The following LRRC7 variants were observed in gnomAD, a reference collection of about 807,000 sequenced individuals.
LRRC7 encodes the protein leucine rich repeat containing 7.
In LRRC7, 23 loss-of-function variants were observed where a neutral mutation model predicts 175.7. The observed-to-expected ratio is 0.13, with a 90% CI of 0.09 to 0.19. The LOEUF is 0.19. Ranked by LOEUF, LRRC7 falls within the 10% of genes least tolerant of loss-of-function variation. The pLI is 1.00. For synonymous variants in LRRC7, 685 were observed against 680.9 expected, an observed-to-expected ratio of 1.01 and a Z score of -0.09; for missense variants, 1,354 against 1,904.7, an observed-to-expected ratio of 0.71 and a Z score of 5.38.
chr1:69,693,251 C>T (rs554890465), intron 2 of LRRC7, among the ~76,000 whole-genome samples: 1 of 151,944 alleles, frequency 6.6e-6, no homozygotes, highest in South Asian at 2.1e-4. Context: ...TCTATATATC[C>T]CATATAATAT....
intron 1 of LRRC7, among the ~76,000 whole-genome samples, chr1:69,658,683 A>G (rs1657003616): frequency 6.6e-6 from 1 of 152,088 alleles, no homozygotes; most frequent in Non-Finnish European, 1.5e-5. Context: ...AAACATACAA[A>G]GAAACAAGAA....
At chr1:69,940,616 A>C (rs1648608543) in intron 8 of LRRC7, among the ~76,000 whole-genome samples, 1 of 152,072 alleles carries the variant, frequency 6.6e-6, no homozygotes, top group South Asian at 2.1e-4. Context: ...CTTTACAAAG[A>C]ATCTCCCCCT....
At chr1:69,727,607 G>A (rs954393617) in intron 2 of LRRC7, among the ~76,000 whole-genome samples, 2 of 152,138 alleles carry the variant, frequency 1.3e-5, no homozygotes, top group Admixed American at 1.3e-4. Context: ...ATACTTTACA[G>A]AATTGCTTTT....
At chr1:69,953,385 C>A (rs1157170510) in intron 8 of LRRC7, among the ~76,000 whole-genome samples, 1 of 152,044 alleles carries the variant, frequency 6.6e-6, no homozygotes, top group Non-Finnish European at 1.5e-5. Context: ...AAATAATCTT[C>A]CCCTCCTCTA....
chr1:69,889,864 A>AGGATCT, intron 7 of LRRC7, among the ~76,000 whole-genome samples: 1 of 152,098 alleles, frequency 6.6e-6, no homozygotes, highest in African/African-American at 2.4e-5. Context: ...GAGGAGGAGG[A>AGGATCT]AAGAAATCAC....
chr1:69,744,092 TA>T (rs34019724), intron 2 of LRRC7, among the ~76,000 whole-genome samples: 4,984 of 151,860 alleles, frequency 0.033, 94 homozygotes, highest in African/African-American at 0.053. Flanking sequence ...TTTATTATAC[TA>T]AATATGTTTC....
At chr1:69,874,983 A>C (rs1488595644) in intron 7 of LRRC7, 1 of 152,068 alleles carries the variant, frequency 6.6e-6, no homozygotes, top group Non-Finnish European at 1.5e-5. Context: ...CTATTCTAAA[A>C]ATAAAAAATG....
At chr1:69,932,960 C>T (rs1223423528) in intron 8 of LRRC7, among the ~76,000 whole-genome samples, 1 of 152,216 alleles carries the variant, frequency 6.6e-6, no homozygotes, top group African/African-American at 2.4e-5. Flanking sequence ...ATAAAACTCT[C>T]TAGGAGCATT....
intron 2 of LRRC7, among the ~76,000 whole-genome samples, chr1:69,680,760 C>T (rs1660381910): frequency 6.6e-6 from 1 of 150,796 alleles, no homozygotes; most frequent in Admixed American, 6.6e-5. Flanking sequence ...AGGATTTATT[C>T]TCTAATTTGA....
At chr1:69,724,992 A>G (rs966621767) in intron 2 of LRRC7, among the ~76,000 whole-genome samples, 55 of 152,196 alleles carry the variant, frequency 3.6e-4, no homozygotes, top group African/African-American at 1.3e-3. Flanking sequence ...CTCCCAAGCA[A>G]TCACAAAACC....
chr1:69,591,585 T>G (rs186937468), intron 1 of LRRC7, among the ~76,000 whole-genome samples: 2 of 152,204 alleles, frequency 1.3e-5, no homozygotes, highest in Admixed American at 1.3e-4. Flanking sequence ...TGGTCCTTAG[T>G]GTTTTCACAA....
chr1:69,899,800 C>T (rs1173765428), intron 7 of LRRC7, among the ~76,000 whole-genome samples: 2 of 152,116 alleles, frequency 1.3e-5, no homozygotes, highest in South Asian at 2.1e-4. Flanking sequence ...TGCAGCTCTT[C>T]GGCCGTATGA....
chr1:70,049,668 A>G (rs1324831268), intron 22 of LRRC7, among the ~76,000 whole-genome samples: 3 of 152,126 alleles, frequency 2.0e-5, no homozygotes, highest in Admixed American at 1.3e-4. Context: ...ATTCTGGTTT[A>G]AAAATAACTT....
intron 7 of LRRC7, among the ~76,000 whole-genome samples, chr1:69,914,922 T>G (rs1400424265): frequency 6.6e-6 from 1 of 152,172 alleles, no homozygotes; most frequent in Admixed American, 6.5e-5. Context: ...ACTCCTGGCA[T>G]AGAATATAGT....
intron 25 of LRRC7, among the ~76,000 whole-genome samples, chr1:70,096,712 GA>G (rs35182626): frequency 1.3e-5 from 2 of 150,400 alleles, no homozygotes; most frequent in East Asian, 2.0e-4. Flanking sequence ...TTCCTAGACT[GA>G]AAAAAAAAGA....
chr1:69,674,401 T>G (rs1356897925), intron 1 of LRRC7, among the ~76,000 whole-genome samples: 2 of 152,250 alleles, frequency 1.3e-5, no homozygotes, highest in South Asian at 2.1e-4. Context: ...TAAAATATTC[T>G]TTCATAAAGT....
intron 23 of LRRC7, among the ~76,000 whole-genome samples, chr1:70,054,615 G>A (rs1365772852): frequency 2.5e-4 from 24 of 97,066 alleles, no homozygotes; most frequent in African/African-American, 4.3e-4. Flanking sequence ...TTTTTGAGAC[G>A]GAGTCTTGCT....
intron 3 of LRRC7, among the ~76,000 whole-genome samples, chr1:69,781,778 AAAGAAAGAAAGGAAGGAAGGAAGGAAGG>A (rs1673662105): frequency 3.3e-5 from 2 of 61,376 alleles, no homozygotes; most frequent in South Asian, 5.8e-4. Flanking sequence ...AGAAAGAAAG[AAAGAAAGAAAGGAAGGAAGGAAGGAAGG>A]AAGGAAGGAA....
At chr1:69,609,230 A>G (rs1393019767) in intron 1 of LRRC7, among the ~76,000 whole-genome samples, 1 of 151,956 alleles carries the variant, frequency 6.6e-6, no homozygotes, top group Non-Finnish European at 1.5e-5. Context: ...CTTTCATCAG[A>G]AACTATGATA....
Sources: gnomAD v4.1 joint callset for allele counts (sites outside exome capture counted in the v4.1 genomes callset) on GRCh38, gnomAD v4.1.1 for gene constraint, MANE v1.5 for transcripts, NCBI Gene and HGNC (gene_info 2026-07-23, HGNC 2026-07-21) for gene names.